Variants in MALRD1 observed in about 807,000 individuals in gnomAD.
MALRD1 encodes the protein MAM and LDL receptor class A domain containing 1, also known as MAM and LDL-receptor class A domain-containing protein 1.
Under a neutral mutation model 242.1 loss-of-function variants are expected in MALRD1, and 247 were observed. The ratio of observed to expected loss-of-function variants is 1.02; its 90% CI spans 0.92 to 1.13. The LOEUF is 1.13. MALRD1 is among the 50% of genes most tolerant of loss of function. The pLI, the probability that MALRD1 is intolerant of heterozygous loss-of-function variation, is 0.00. For missense variants in MALRD1, 2,989 were observed against 2,533.1 expected, an observed-to-expected ratio of 1.18 and a Z score of -3.86; for synonymous variants, 995 against 866.6, an observed-to-expected ratio of 1.15 and a Z score of -2.60.
At chr10:19,123,381 G>T (rs1837137776) in intron 5 of MALRD1, 111 bp from the exon 6 acceptor site, 1 of 464,084 alleles carries the variant, frequency 2.2e-6, no homozygotes, top group African/African-American at 2.0e-5. Context: ...ACCATAAAGA[G>T]AAATTGGTTA....
intron 28 of MALRD1, among the ~76,000 whole-genome samples, chr10:19,410,710 T>C (rs971115772): frequency 6.6e-6 from 1 of 151,306 alleles, no homozygotes; most frequent in Non-Finnish European, 1.5e-5. Flanking sequence ...ATCAAGTGTT[T>C]AGTGAGGACC....
chr10:19,132,133 G>A (rs1461413818), intron 8 of MALRD1, among the ~76,000 whole-genome samples: 2 of 151,496 alleles, frequency 1.3e-5, no homozygotes, highest in Non-Finnish European at 2.9e-5. Context: ...TTCAGGGGGA[G>A]CAGAGGGGAA....
At chr10:19,504,702 G>A (rs1838125496) in intron 31 of MALRD1, among the ~76,000 whole-genome samples, 1 of 113,130 alleles carries the variant, frequency 8.8e-6, no homozygotes, top group Non-Finnish European at 1.6e-5. Context: ...TTGAGACGGA[G>A]TCTCGCTCTG....
At chr10:19,693,759 C>T (rs1467436277) in intron 38 of MALRD1, among the ~76,000 whole-genome samples, 4 of 152,128 alleles carry the variant, frequency 2.6e-5, no homozygotes, top group Non-Finnish European at 4.4e-5. Flanking sequence ...AAAGAGCCCG[C>T]ATTGCCAAGT....
chr10:19,519,236 A>G (rs1304177137), intron 31 of MALRD1, among the ~76,000 whole-genome samples: 1 of 152,020 alleles, frequency 6.6e-6, no homozygotes, highest in Non-Finnish European at 1.5e-5. Context: ...ATTTATTTAC[A>G]CTATGAATAT....
chr10:19,185,376 T>A (rs1835692379), intron 14 of MALRD1, among the ~76,000 whole-genome samples: 1 of 152,092 alleles, frequency 6.6e-6, no homozygotes, highest in African/African-American at 2.4e-5. Context: ...TATGAAAAAA[T>A]TCTAAACAAT....
chr10:19,171,315 C>T (rs928092467), intron 13 of MALRD1, among the ~76,000 whole-genome samples: 2 of 150,762 alleles, frequency 1.3e-5, no homozygotes, highest in Non-Finnish European at 3.0e-5. Context: ...ACTCTTCCTC[C>T]ATCTGTGGTT....
At chr10:19,461,356 G>A (rs1439119545) in intron 29 of MALRD1, among the ~76,000 whole-genome samples, 2 of 152,138 alleles carry the variant, frequency 1.3e-5, no homozygotes, top group East Asian at 3.9e-4. Flanking sequence ...TGTGCTTGGA[G>A]TTTTTTCCAC....
intron 36 of MALRD1, among the ~76,000 whole-genome samples, chr10:19,687,968 GTTATGTTA>G: frequency 8.7e-6 from 1 of 115,014 alleles, no homozygotes; most frequent in Non-Finnish European, 1.8e-5. Context: ...GTTATGTTAT[GTTATGTTA>G]TGTTATTTTT....
intron 21 of MALRD1, among the ~76,000 whole-genome samples, chr10:19,314,998 A>ATAT: frequency 6.8e-6 from 1 of 146,494 alleles, no homozygotes; most frequent in Non-Finnish European, 1.5e-5. Context: ...TGTGCTTAGT[A>ATAT]AATTTATATA....
chr10:19,400,452 A>G (rs4565805), intron 28 of MALRD1, among the ~76,000 whole-genome samples: 131,965 of 151,586 alleles, frequency 0.87, 57,789 homozygotes, highest in African/African-American at 0.92. Flanking sequence ...CTCCAGCGAC[A>G]AGGGAGGCTT....
chr10:19,249,050 T>C (rs1172374429), intron 18 of MALRD1, among the ~76,000 whole-genome samples: 1 of 148,824 alleles, frequency 6.7e-6, no homozygotes, highest in African/African-American at 2.4e-5. Flanking sequence ...CACATATGTG[T>C]GTATATGTCT....
chr10:19,291,163 TA>T (rs1461478681), intron 21 of MALRD1, among the ~76,000 whole-genome samples: 1 of 152,194 alleles, frequency 6.6e-6, no homozygotes, highest in African/African-American at 2.4e-5. Flanking sequence ...ACACTTTTTT[TA>T]GTATAAAATT....
rs186598149 is a variant in MALRD1, at chr10:19,464,850, G to A, written c.5029+14360G>A. Among the ~76,000 whole-genome samples, 6 of 152,114 alleles carry A rather than the reference G, an allele frequency of 3.9e-5. No homozygotes were observed. In the East Asian group the frequency reaches 9.7e-4, roughly 25 times the overall value. ...TTCTACCCATCCCCGAACATGGGAC[G>A]TGTTTCCATTTGTTTGTGTTGCCTG... On this transcript the variant is annotated intron_variant, in intron 29 of 39. Transcript: ENST00000454679.
At chr10:19,123,174 G>T (rs1326867849) in intron 5 of MALRD1, among the ~76,000 whole-genome samples, 1 of 152,134 alleles carries the variant, frequency 6.6e-6, no homozygotes, top group Non-Finnish European at 1.5e-5. Flanking sequence ...CCAACATTAG[G>T]GCAATTTTTT....
intron 24 of MALRD1, among the ~76,000 whole-genome samples, chr10:19,343,551 G>A (rs1044920341): frequency 6.6e-5 from 10 of 151,960 alleles, no homozygotes; most frequent in African/African-American, 2.4e-4. Context: ...ATATCTCTTT[G>A]CTTTATCATG....
chr10:19,335,566 A>G (rs1843569161), intron 24 of MALRD1, among the ~76,000 whole-genome samples: 1 of 152,172 alleles, frequency 6.6e-6, no homozygotes, highest in Non-Finnish European at 1.5e-5. Context: ...TATTAAAAGA[A>G]TCACCATAGA....
At chr10:19,391,245 C>G (rs11009715) in intron 28 of MALRD1, among the ~76,000 whole-genome samples, 94 of 152,180 alleles carry the variant, frequency 6.2e-4, no homozygotes, top group African/African-American at 2.2e-3. Flanking sequence ...AACATACACA[C>G]ACACACACTT....
At chr10:19,352,435 T>A in intron 26 of MALRD1, 138 bp downstream of exon 26, 1 of 880,816 alleles carries the variant, frequency 1.1e-6, no homozygotes, top group Non-Finnish European at 1.7e-6. Flanking sequence ...CTTTTTAAAC[T>A]CAAAAAAATA....
Sources: gnomAD v4.1 joint callset for allele counts (sites outside exome capture counted in the v4.1 genomes callset) on GRCh38, gnomAD v4.1.1 for gene constraint, MANE v1.5 for transcripts, NCBI Gene and HGNC (gene_info 2026-07-23, HGNC 2026-07-21) for gene names.